Variants in GSG1L observed in about 807,000 individuals in gnomAD.
The protein encoded by GSG1L is GSG1 like.
Under a neutral mutation model 42.1 loss-of-function variants are expected in GSG1L, and 24 were observed. That is an observed-to-expected ratio of 0.57 (90% confidence interval 0.41 to 0.80). GSG1L has a LOEUF of 0.80. Among genes scored for constraint, GSG1L ranks in the 30% least tolerant of loss-of-function variants. GSG1L has a pLI of 0.00. For synonymous variants in GSG1L, 215 were observed against 203.5 expected, an observed-to-expected ratio of 1.06 and a Z score of -0.48; for missense variants, 445 against 472.2, an observed-to-expected ratio of 0.94 and a Z score of 0.53.
chr16:28,023,336 T>C (rs2085865642), intron 1 of GSG1L, among the ~76,000 whole-genome samples: 1 of 152,222 alleles, frequency 6.6e-6, no homozygotes, highest in African/African-American at 2.4e-5. Context: ...TTCTATAGAA[T>C]GAATATTCCA....
At chr16:27,822,165 C>G (rs964055440) in intron 5 of GSG1L, among the ~76,000 whole-genome samples, 1 of 152,070 alleles carries the variant, frequency 6.6e-6, no homozygotes, top group Non-Finnish European at 1.5e-5. Flanking sequence ...TTCATAAAGT[C>G]CTCACAACAA....
In GSG1L at chr16:28,049,123, A is replaced by G. The variant is rs184884810; in HGVS notation, c.349+13953T>C. ...TTACAGGGCCCATATCACCACTGGT[A>G]GACTTGAGCAAGACAAAGCCATTAG... On this transcript the variant is annotated intron_variant, in intron 1 of 6. Transcript: ENST00000447459. 5.1e-3 allele frequency among the ~76,000 whole-genome samples: 783 copies of G among 152,346 alleles called. 2 individuals carry two copies. The highest frequency in any genetic ancestry group is 8.3e-3 in the Non-Finnish European group (564 of 68,030).
At chr16:27,995,433 G>A (rs1356684423) in intron 1 of GSG1L, among the ~76,000 whole-genome samples, 1 of 152,184 alleles carries the variant, frequency 6.6e-6, no homozygotes, top group African/African-American at 2.4e-5. Flanking sequence ...TGGAGATATT[G>A]TAGTTGGAAC....
At chr16:27,851,485 G>A (rs1379222494) in intron 3 of GSG1L, among the ~76,000 whole-genome samples, 1 of 152,118 alleles carries the variant, frequency 6.6e-6, no homozygotes. Flanking sequence ...AGGAGCCCCT[G>A]TGCCCTGCTG....
intron 1 of GSG1L, among the ~76,000 whole-genome samples, chr16:28,047,695 A>C (rs1004844422): frequency 2.6e-5 from 4 of 152,238 alleles, no homozygotes; most frequent in Non-Finnish European, 5.9e-5. Flanking sequence ...AAAAGCATTC[A>C]CTGGGGGAAA....
At chr16:27,907,331 C>G (rs1053902559) in intron 2 of GSG1L, among the ~76,000 whole-genome samples, 7 of 152,198 alleles carry the variant, frequency 4.6e-5, no homozygotes, top group African/African-American at 1.7e-4. Context: ...GTGATATGTC[C>G]CTGATACTTG....
chr16:27,835,503 T>C (rs990138674), intron 4 of GSG1L, among the ~76,000 whole-genome samples: 2 of 152,140 alleles, frequency 1.3e-5, no homozygotes, highest in African/African-American at 4.8e-5. Flanking sequence ...ACATTTAAAG[T>C]GATTATTGAT....
intron 6 of GSG1L, among the ~76,000 whole-genome samples, chr16:27,796,160 G>A (rs1177169213): frequency 6.6e-6 from 1 of 152,142 alleles, no homozygotes; most frequent in African/African-American, 2.4e-5. Context: ...CCCTTTACAG[G>A]GAAGTTCCTT....
At chr16:27,985,462 T>C (rs1237548019) in intron 1 of GSG1L, among the ~76,000 whole-genome samples, 1 of 152,204 alleles carries the variant, frequency 6.6e-6, no homozygotes, top group Non-Finnish European at 1.5e-5. Flanking sequence ...GGAAACTTCC[T>C]GCAGTCTCAG....
intron 1 of GSG1L, among the ~76,000 whole-genome samples, chr16:27,980,901 C>CAAAAAAAAAAAAAAAA (rs11390148): frequency 2.0e-4 from 25 of 126,946 alleles, no homozygotes; most frequent in South Asian, 4.8e-4. Flanking sequence ...AACCAAAAAA[C>CAAAAAAAAAAAAAAAA]AAAAAAAAAA....
rs1334818166 is a variant in GSG1L at position 27,888,454 on chromosome 16, TTCTTTCTTTCTC to T, written c.398-3828_398-3817del. 9.3e-4 allele frequency among the ~76,000 whole-genome samples: 38 copies of T among 40,836 alleles called. 2 individuals carry two copies. Among genetic ancestry groups the T allele is most frequent in the African/African-American group, 1.8e-3 (26 of 14,586 alleles). The allele number at this position is 40,836 out of a possible 152,430, so 26.8% of individuals were successfully genotyped here. On this transcript the variant is annotated intron_variant, in intron 2 of 6. Transcript: ENST00000447459. ...TTTCTTTCTTTCTTTCTTTCTTTCT[TTCTTTCTTTCTC>T]TCTCTCTCTCTCTTTCCTTTCTTTC...
At chr16:27,976,423 A>G (rs1298338321) in intron 1 of GSG1L, among the ~76,000 whole-genome samples, 2 of 152,152 alleles carry the variant, frequency 1.3e-5, no homozygotes, top group Non-Finnish European at 2.9e-5. Context: ...TGCAGACATG[A>G]TTGTGGAATG....
chr16:27,827,334 C>T (rs1427243002), intron 5 of GSG1L, among the ~76,000 whole-genome samples: 1 of 152,118 alleles, frequency 6.6e-6, no homozygotes, highest in Admixed American at 6.5e-5. Context: ...TTGGGATAGG[C>T]CTGGGAGGCA....
At chr16:27,845,268 A>T (rs2083430241) in intron 3 of GSG1L, among the ~76,000 whole-genome samples, 1 of 152,170 alleles carries the variant, frequency 6.6e-6, no homozygotes, top group Non-Finnish European at 1.5e-5. Flanking sequence ...TGTTTTTAAG[A>T]CAGGGTCTTG....
Position 27,973,874 on chromosome 16 carries a change from C to T in GSG1L, c.350-10671G>A, listed in dbSNP as rs112473141. 1.1e-4 allele frequency among the ~76,000 whole-genome samples: 16 copies of T among 152,312 alleles called. 1 individual carries two copies. Among genetic ancestry groups the T allele is most frequent in the African/African-American group, 3.8e-4 (16 of 41,566 alleles). On this transcript the variant is annotated intron_variant, in intron 1 of 6. Transcript: ENST00000447459. ...CGGCAGTCCAGGTTGCCTGAGGCTG[C>T]TGCAGACATGCTCTGGGCTCCTTCG... is the stretch of plus-strand genomic sequence containing the variant.
intron 2 of GSG1L, among the ~76,000 whole-genome samples, chr16:27,922,490 G>T (rs559711956): frequency 5.9e-5 from 9 of 152,118 alleles, no homozygotes; most frequent in South Asian, 2.1e-4. Flanking sequence ...CGATAGTACC[G>T]ATCACCTCTG....
chr16:27,799,079 T>C (rs2082852375), intron 6 of GSG1L, among the ~76,000 whole-genome samples: 1 of 152,098 alleles, frequency 6.6e-6, no homozygotes. Flanking sequence ...GCTGGTGACA[T>C]TTCCATTTCA....
intron 1 of GSG1L, among the ~76,000 whole-genome samples, chr16:27,993,672 G>T (rs1217115698): frequency 6.6e-6 from 1 of 152,140 alleles, no homozygotes; most frequent in Non-Finnish European, 1.5e-5. Flanking sequence ...AGGCAGTTAG[G>T]GTGGGTCCTT....
intron 2 of GSG1L, among the ~76,000 whole-genome samples, chr16:27,920,763 TCTC>T (rs1250451743): frequency 6.6e-6 from 1 of 151,968 alleles, no homozygotes; most frequent in African/African-American, 2.4e-5. Context: ...GATTGCCACT[TCTC>T]CTGCTGGTGA....
Sources: gnomAD v4.1 joint callset for allele counts (sites outside exome capture counted in the v4.1 genomes callset) on GRCh38, gnomAD v4.1.1 for gene constraint, MANE v1.5 for transcripts, NCBI Gene and HGNC (gene_info 2026-07-23, HGNC 2026-07-21) for gene names.